ARHGEF18: variants seen among roughly 807,000 people sequenced by gnomAD.
ARHGEF18 encodes the protein rho guanine nucleotide exchange factor 18.
ARHGEF18 carries 93 observed loss-of-function variants against 155.7 expected under a neutral mutation model. That is an observed-to-expected ratio of 0.60 (90% CI 0.50 to 0.71). The LOEUF (loss-of-function observed/expected upper bound fraction) is 0.71, where lower values mean the gene tolerates loss of function less well. ARHGEF18 is among the 30% of genes least tolerant of loss of function. ARHGEF18 has a pLI of 0.00. For synonymous variants in ARHGEF18, 742 were observed against 753.1 expected, an observed-to-expected ratio of 0.99 and a Z score of 0.24; for missense variants, 1,593 against 1,816.1, an observed-to-expected ratio of 0.88 and a Z score of 2.23.
At chr19:7,417,471 G>A (rs2145655526) in intron 10 of ARHGEF18, among the ~76,000 whole-genome samples, 1 of 152,300 alleles carries the variant, frequency 6.6e-6, no homozygotes, top group East Asian at 1.9e-4. Flanking sequence ...ACCAAGGCGG[G>A]CAGATCACTT....
chr19:7,382,288 C>G (rs954588548), intron 8 of ARHGEF18, among the ~76,000 whole-genome samples: 1 of 151,918 alleles, frequency 6.6e-6, no homozygotes, highest in Admixed American at 6.6e-5. Context: ...CCCAGCTACT[C>G]GGGAGGCTGA....
intron 10 of ARHGEF18, among the ~76,000 whole-genome samples, chr19:7,414,569 G>A (rs1338530420): frequency 6.6e-6 from 1 of 151,986 alleles, no homozygotes; most frequent in Non-Finnish European, 1.5e-5. Context: ...CCAGCACTTT[G>A]GGAAGCTGAG....
At chr19:7,362,017 G>GAGA (rs1969584839) in intron 1 of ARHGEF18, among the ~76,000 whole-genome samples, 5 of 51,144 alleles carry the variant, frequency 9.8e-5, no homozygotes, top group African/African-American at 5.0e-4. Flanking sequence ...GAAGAAGAAG[G>GAGA]AGAAGGAGAA....
At chr19:7,451,752 T>G (rs12981355) in intron 16 of ARHGEF18, among the ~76,000 whole-genome samples, 1 of 150,960 alleles carries the variant, frequency 6.6e-6, no homozygotes, top group South Asian at 2.1e-4. Flanking sequence ...GAGACAGTCT[T>G]GCTGTGTCCC....
chr19:7,452,027 T>C (rs183618848), intron 16 of ARHGEF18, among the ~76,000 whole-genome samples: 1 of 152,312 alleles, frequency 6.6e-6, no homozygotes, highest in East Asian at 1.9e-4. Context: ...ACGCCCAGCC[T>C]GGCCTGGGGC....
chr19:7,464,007 C>T, intron 22 of ARHGEF18, 52 bp downstream of exon 22: 1 of 1,514,018 alleles, frequency 6.6e-7, no homozygotes, highest in Non-Finnish European at 8.9e-7. Context: ...CCTCAGGATG[C>T]ACATTAACTT....
At chr19:7,459,840 C>A in intron 19 of ARHGEF18, 63 bp from the exon 20 acceptor site, 3 of 1,393,352 alleles carry the variant, frequency 2.2e-6, no homozygotes, top group Non-Finnish European at 2.9e-6. Flanking sequence ...GCAGAACCAG[C>A]GTCTGTGCCG....
At position 7,372,937 on chromosome 19, in the gene ARHGEF18, G is replaced by A. The variant is rs902131167; in HGVS notation, c.141G>A (p.Gly47=). ...GGGCCCCTTCCCACAGCCAGCCTGG[G>A]GAGACCCCAGACAGCCGCCCCACCG... is the stretch of plus-strand genomic sequence containing the variant. ...GLGAPSHSQP[G]ETPDSRPTGE... is the part of the protein sequence containing the mutation. The change falls in exon 3 of 29, where the codon GGG becomes GGA. Residue 47 remains glycine, a synonymous_variant. Transcript: ENST00000668164. 4.9e-6 allele frequency: 6 copies of A among 1,234,542 alleles called. No individual in the cohort carries two copies. In the African/African-American group the frequency reaches 7.7e-5, roughly 16 times the overall value. The allele number at this position is 1,234,542 out of a possible 1,614,324, so 76.5% of individuals were successfully genotyped here.
chr19:7,422,373 C>G (rs566523086), intron 10 of ARHGEF18, among the ~76,000 whole-genome samples: 2 of 151,354 alleles, frequency 1.3e-5, no homozygotes, highest in East Asian at 3.9e-4. Context: ...CCCCGCGCAG[C>G]CTTCTGTCCT....
At chr19:7,372,741 T>G (rs1282359453) in intron 2 of ARHGEF18, 71 bp from the exon 3 acceptor site, 1 of 1,226,576 alleles carries the variant, frequency 8.2e-7, no homozygotes, top group Non-Finnish European at 1.0e-6. Flanking sequence ...GACCTTGTGG[T>G]CAAGAGACCC....
intron 7 of ARHGEF18, among the ~76,000 whole-genome samples, chr19:7,380,438 C>T (rs1487865875): frequency 6.7e-6 from 1 of 150,174 alleles, no homozygotes; most frequent in Non-Finnish European, 1.5e-5. Context: ...GAGATCGCAC[C>T]ACCACACTCC....
chr19:7,414,186 C>A (rs577310176), intron 10 of ARHGEF18, among the ~76,000 whole-genome samples: 74 of 152,192 alleles, frequency 4.9e-4, no homozygotes, highest in Non-Finnish European at 7.9e-4. Flanking sequence ...CCTCTTCCCC[C>A]CTCACTCCCA....
chr19:7,393,566 C>T (rs967982447), intron 10 of ARHGEF18, among the ~76,000 whole-genome samples: 4 of 151,916 alleles, frequency 2.6e-5, no homozygotes, highest in Non-Finnish European at 4.4e-5. Flanking sequence ...CTGTTCTGCT[C>T]GACTCCTGGT....
At chr19:7,473,777 T>TC (rs531289417), downstream of ARHGEF18, among the ~76,000 whole-genome samples, 1,146 of 129,566 alleles carry the variant, frequency 8.8e-3, 9 homozygotes, top group Middle Eastern at 0.054. Context: ...GCCACTGCAC[T>TC]CAGCCTAGGC....
chr19:7,469,443 G>A (rs35388554), intron 27 of ARHGEF18, among the ~76,000 whole-genome samples: 27,766 of 152,160 alleles, frequency 0.18, 2,816 homozygotes, highest in Non-Finnish European at 0.22. Flanking sequence ...CAGCACAGCC[G>A]GGACAGGGAC....
rs1232169256 is a variant in ARHGEF18 at position 7,470,826 on chromosome 19, C to T, written c.*528C>T. 1 of 401,250 alleles carries T rather than the reference C, an allele frequency of 2.5e-6. No individual in the cohort carries two copies. The highest frequency in any genetic ancestry group is 3.6e-5 in the East Asian group (1 of 28,058). 24.9% of individuals were successfully genotyped at this position (401,250 alleles called of 1,614,324 possible). A position where few individuals can be genotyped will look rare whatever the true frequency, so the allele number is the denominator to read the frequency against. On this transcript the variant is annotated 3_prime_UTR_variant, in exon 29 of 29. Coordinates refer to ENST00000668164, the MANE Select transcript of ARHGEF18 (RefSeq NM_001367823.1). The surrounding 1 kb of genome is among the most constrained non-coding windows in gnomAD (Gnocchi z 5.9). ...TGTCCCCAGAATCAGGCAGAATCCA[C>T]TTCCCAAACAGAGCCCCACGCAGGT...
At position 7,466,838 on chromosome 19, in the gene ARHGEF18, A is replaced by AGGAAGAAGAT; in HGVS notation, c.2905-79_2905-78insGAAGAAGATG. ...AAAAAAAAAAAAAAGTTAAAAAAAA[A>AGGAAGAAGAT]GAAGAAGAAGAAGAAGGCTTGAGTC... is the stretch of plus-strand genomic sequence containing the variant. On this transcript the variant is annotated intron_variant, in intron 23 of 28. Coordinates refer to ENST00000668164, the MANE Select transcript of ARHGEF18 (RefSeq NM_001367823.1). 3.6e-6 allele frequency: 4 copies of AGGAAGAAGAT among 1,122,404 alleles called. No individual in the cohort carries two copies. In the East Asian group the frequency reaches 7.5e-5, roughly 21 times the overall value. The allele number at this position is 1,122,404 out of a possible 1,614,324, so 69.5% of individuals were successfully genotyped here.
chr19:7,441,184 C>CT (rs745422602), intron 11 of ARHGEF18, among the ~76,000 whole-genome samples: 1,691 of 92,592 alleles, frequency 0.018, 73 homozygotes, highest in African/African-American at 0.068. Flanking sequence ...CCCCCCACCA[C>CT]TTTTTTTTTT....
At chr19:7,445,370 C>T (rs1460622096) in intron 14 of ARHGEF18, among the ~76,000 whole-genome samples, 2 of 152,108 alleles carry the variant, frequency 1.3e-5, no homozygotes, top group African/African-American at 4.8e-5. Context: ...ATCACTTGAG[C>T]TTGAGAGGTC....
Sources: gnomAD v4.1 joint callset for allele counts (sites outside exome capture counted in the v4.1 genomes callset) on GRCh38, gnomAD v4.1.1 for gene constraint, Gnocchi (gnomAD v3.1) non-coding constraint, MANE v1.5 for transcripts, NCBI Gene and HGNC (gene_info 2026-07-23, HGNC 2026-07-21) for gene names.